The following EBF3 variants were observed in gnomAD, a reference collection of about 807,000 sequenced individuals.
EBF3 encodes the protein EBF transcription factor 3, also known as transcription factor COE3.
EBF3 carries 18 observed loss-of-function variants against 77.1 expected under a neutral mutation model. The ratio of observed to expected loss-of-function variants is 0.23; its 90% CI spans 0.16 to 0.35. EBF3 has a LOEUF of 0.35. Among genes scored for constraint, EBF3 ranks in the 10% least tolerant of loss-of-function variants. EBF3 has a pLI of 1.00. For synonymous variants in EBF3, 350 were observed against 343.5 expected (o/e 1.02, Z -0.21); for missense variants, 558 against 860.0 (o/e 0.65, Z 4.39).
chr10:129,890,325 G>C (rs1354967096), intron 6 of EBF3, among the ~76,000 whole-genome samples: 1 of 152,202 alleles, frequency 6.6e-6, no homozygotes, highest in African/African-American at 2.4e-5. Context: ...CCAGGCGGCA[G>C]GCCGGCTCCA....
At chr10:129,909,995 C>T (rs1855410488) in intron 6 of EBF3, among the ~76,000 whole-genome samples, 1 of 152,250 alleles carries the variant, frequency 6.6e-6, no homozygotes, top group Non-Finnish European at 1.5e-5. Context: ...GGGCTCTGCT[C>T]AGCGCCGATG....
At chr10:129,854,941 C>G (rs1287056813) in intron 10 of EBF3, among the ~76,000 whole-genome samples, 1 of 152,204 alleles carries the variant, frequency 6.6e-6, no homozygotes, top group Non-Finnish European at 1.5e-5. Context: ...GTCAGGTCAC[C>G]CTCCTCCTAC....
chr10:129,900,304 T>C (rs562582678), intron 6 of EBF3, among the ~76,000 whole-genome samples: 1 of 152,190 alleles, frequency 6.6e-6, no homozygotes, highest in African/African-American at 2.4e-5. Context: ...ATTATTTTTT[T>C]CCAGGATAAC....
chr10:129,931,703 A>G (rs1320062934), intron 6 of EBF3, among the ~76,000 whole-genome samples: 2 of 152,204 alleles, frequency 1.3e-5, no homozygotes, highest in Admixed American at 6.5e-5. Flanking sequence ...TTCTTTCTCT[A>G]TTGGTCTTGG....
At chr10:129,859,619 C>G (rs558001284) in intron 10 of EBF3, among the ~76,000 whole-genome samples, 1 of 152,240 alleles carries the variant, frequency 6.6e-6, no homozygotes, top group Non-Finnish European at 1.5e-5. Context: ...CTTTTGTAAT[C>G]CAAGCCTCAG....
chr10:129,908,801 A>G (rs1319301008), intron 6 of EBF3, among the ~76,000 whole-genome samples: 2 of 152,214 alleles, frequency 1.3e-5, no homozygotes, highest in African/African-American at 4.8e-5. Context: ...GCCTGGAACA[A>G]ACATCGAGAG....
chr10:129,842,549 A>T lies in EBF3; in HGVS notation c.1195-256T>A, dbSNP rs1175944709. Among the ~76,000 whole-genome samples, 3 of 152,140 alleles carry T rather than the reference A, an allele frequency of 2.0e-5. No individual in the cohort carries two copies. Among genetic ancestry groups the T allele is most frequent in the African/African-American group, 4.8e-5 (2 of 41,434 alleles). On this transcript the variant is annotated intron_variant, in intron 12 of 16. Coordinates refer to ENST00000440978, the MANE Select transcript of EBF3 (RefSeq NM_001375380.1). This position sits in a 1 kb window ranked among gnomAD's most constrained non-coding sequence, Gnocchi z 4.4. ...GAGGTCAAGGCAGGCGGATCATCTG[A>T]GGTCAGGAGTTCAAGACCAGCCTGG...
At chr10:129,840,714 G>A (rs1050163838) in intron 14 of EBF3, 130 bp downstream of exon 14, 19 of 1,348,010 alleles carry the variant, frequency 1.4e-5, no homozygotes, top group Middle Eastern at 2.5e-4. Flanking sequence ...CCATTTGGAC[G>A]CCCAGCCTCC....
intron 7 of EBF3, among the ~76,000 whole-genome samples, chr10:129,874,284 G>C (rs1852604882): frequency 6.6e-6 from 1 of 152,174 alleles, no homozygotes; most frequent in Non-Finnish European, 1.5e-5. Context: ...GTTGCGGTGA[G>C]AGGCTTCCAT....
Position 129,859,731 on chromosome 10 carries a change from C to T in EBF3, c.1039+7410G>A, listed in dbSNP as rs150189271. On this transcript the variant is annotated intron_variant, in intron 10 of 16. Transcript: ENST00000440978. ...CCAGCACTGTCACTGACCCAGCTGG[C>T]GGGGCACACGCTGGAGCGAAACATA... Among the ~76,000 whole-genome samples the T allele has an allele frequency of 6.6e-5, 10 of 152,334 alleles. No homozygotes were observed. The East Asian group carries it at 1.2e-3, about 18-fold the overall frequency.
intron 6 of EBF3, among the ~76,000 whole-genome samples, chr10:129,926,867 AG>A (rs1294019299): frequency 6.6e-6 from 1 of 152,154 alleles, no homozygotes; most frequent in African/African-American, 2.4e-5. Flanking sequence ...TGGAGGCTTC[AG>A]GTGTGCTCAG....
At chr10:129,959,418 C>T (rs577337628) in intron 4 of EBF3, among the ~76,000 whole-genome samples, 1 of 152,220 alleles carries the variant, frequency 6.6e-6, no homozygotes, top group South Asian at 2.1e-4. Flanking sequence ...CGTCCTCAGG[C>T]CATTGTCTAC....
chr10:129,941,807 G>A (rs902895129), intron 6 of EBF3, among the ~76,000 whole-genome samples: 1 of 152,214 alleles, frequency 6.6e-6, no homozygotes, highest in Non-Finnish European at 1.5e-5. Context: ...CCAGGCCTGG[G>A]TGGAGCTACC....
chr10:129,840,064 C>T (rs144103480), intron 15 of EBF3, among the ~76,000 whole-genome samples, 181 bp downstream of exon 15: 2 of 152,378 alleles, frequency 1.3e-5, no homozygotes, highest in African/African-American at 4.8e-5. Context: ...CTTTCTGGGG[C>T]TCAGTGCACA....
Position 129,842,640 on chromosome 10 carries a change from T to C in EBF3, c.1195-347A>G, listed in dbSNP as rs1336860576. On this transcript the variant is annotated intron_variant, in intron 12 of 16. Coordinates refer to ENST00000440978, the MANE Select transcript of EBF3 (RefSeq NM_001375380.1). The surrounding 1 kb of genome is among the most constrained non-coding windows in gnomAD (Gnocchi z 4.4). Reference sequence around the variant, plus strand: ...TTAGCCGGGTGTGTTGGCAAACGCCTGTAATCCCAGCTACTCGGGAGCCTG... The same window carrying C: ...TTAGCCGGGTGTGTTGGCAAACGCCCGTAATCCCAGCTACTCGGGAGCCTG... Among the ~76,000 whole-genome samples the C allele has an allele frequency of 6.6e-6, 1 of 151,870 alleles. No individual in the cohort carries two copies. Among genetic ancestry groups the C allele is most frequent in the Non-Finnish European group, 1.5e-5 (1 of 67,996 alleles).
rs369403086 is a variant in EBF3, at chr10:129,917,635, C to T, written c.554+39623G>A. ...CCACTGCATTCCAGCTTGGGCACCA[C>T]AGCAAGACCCTGCCTCAAAAAAAAA... On this transcript the variant is annotated intron_variant, in intron 6 of 16. Transcript: ENST00000440978. 4.1e-5 allele frequency among the ~76,000 whole-genome samples: 3 copies of T among 72,424 alleles called. No homozygotes were observed. In the East Asian group the frequency reaches 1.0e-3, roughly 25 times the overall value. The allele number at this position is 72,424 out of a possible 152,430, so 47.5% of individuals were successfully genotyped here.
chr10:129,921,837 G>A (rs990905544), intron 6 of EBF3, among the ~76,000 whole-genome samples: 1 of 152,100 alleles, frequency 6.6e-6, no homozygotes, highest in Admixed American at 6.5e-5. Context: ...AAACACGAAG[G>A]CCGCCCTGTC....
In EBF3 at chr10:129,842,088, C is replaced by T; in HGVS notation, c.1372+28G>A. The T allele has an allele frequency of 6.2e-7, 1 of 1,613,936 alleles. No individual in the cohort carries two copies. The highest frequency in any genetic ancestry group is 8.5e-7 in the Non-Finnish European group (1 of 1,179,916). On this transcript the variant is annotated intron_variant, in intron 13 of 16. Transcript: ENST00000440978. This position sits in a 1 kb window ranked among gnomAD's most constrained non-coding sequence, Gnocchi z 4.4. ...ACCAACCCTCGGAGGGCGTTCAGGG[C>T]AGGGGTCCTCCCAGCATGCTGGCAT...
chr10:129,961,780 T>A (rs904996564), intron 4 of EBF3, among the ~76,000 whole-genome samples: 4 of 152,088 alleles, frequency 2.6e-5, no homozygotes, highest in Non-Finnish European at 4.4e-5. Context: ...CAAGTCCAAC[T>A]CGATGGGCTT....
Sources: gnomAD v4.1 joint callset for allele counts (sites outside exome capture counted in the v4.1 genomes callset) on GRCh38, gnomAD v4.1.1 for gene constraint, Gnocchi (gnomAD v3.1) non-coding constraint, MANE v1.5 for transcripts, NCBI Gene and HGNC (gene_info 2026-07-23, HGNC 2026-07-21) for gene names.